RAPGEF4: variants seen among roughly 807,000 people sequenced by gnomAD.
RAPGEF4 encodes RAP guanine-nucleotide-exchange factor (GEF) 4.
RAPGEF4 carries 66 observed loss-of-function variants against 147.9 expected under a neutral mutation model. The observed-to-expected ratio is 0.45, with a 90% CI of 0.37 to 0.55. The LOEUF (loss-of-function observed/expected upper bound fraction) is 0.55. Among genes scored for constraint, RAPGEF4 ranks in the 20% least tolerant of loss-of-function variants. The pLI, the probability that RAPGEF4 is intolerant of heterozygous loss-of-function variation, is 0.00. For synonymous variants in RAPGEF4, 419 were observed against 442.7 expected (o/e 0.95, Z 0.67); for missense variants, 1,071 against 1,257.3 (o/e 0.85, Z 2.24).
At chr2:172,973,614 T>G (rs1319919058) in intron 10 of RAPGEF4, among the ~76,000 whole-genome samples, 1 of 152,156 alleles carries the variant, frequency 6.6e-6, no homozygotes, top group African/African-American at 2.4e-5. Flanking sequence ...TAGGCTGACG[T>G]CAGTGGGGGC....
chr2:172,976,517 T>C (rs537434171), intron 10 of RAPGEF4, among the ~76,000 whole-genome samples: 1 of 152,242 alleles, frequency 6.6e-6, no homozygotes. Context: ...GCATCAAAAA[T>C]AAAGCATCCC....
intron 6 of RAPGEF4, among the ~76,000 whole-genome samples, chr2:172,960,066 C>T (rs190314048): frequency 3.3e-5 from 5 of 152,122 alleles, no homozygotes; most frequent in Admixed American, 1.3e-4. Flanking sequence ...GCACTCCAGC[C>T]TGGGCAACAG....
intron 4 of RAPGEF4, chr2:172,860,238 A>T (rs945968917): frequency 3.1e-6 from 3 of 976,654 alleles, no homozygotes; most frequent in Non-Finnish European, 3.6e-6. Flanking sequence ...ACATGGATTT[A>T]AAAAAAACTA....
chr2:172,836,335 G>A (rs1574991051), intron 4 of RAPGEF4, among the ~76,000 whole-genome samples: 2 of 152,190 alleles, frequency 1.3e-5, no homozygotes, highest in East Asian at 3.8e-4. Flanking sequence ...ATGCCTCAAA[G>A]ACTCTGTGCT....
At position 173,008,573 on chromosome 2, in the gene RAPGEF4, G is replaced by A. The variant is rs75199756; in HGVS notation, c.1659-5891G>A. On this transcript the variant is annotated intron_variant, in intron 17 of 30. Coordinates refer to ENST00000397081, the MANE Select transcript of RAPGEF4 (RefSeq NM_007023.4). ...TTTTAAAAAACAACAACATTGAAGA[G>A]TATCAGTTTGAATGTTGTTAAGTGT... Among the ~76,000 whole-genome samples, 378 of 152,202 alleles carry A rather than the reference G, an allele frequency of 2.5e-3. 5 individuals carry two copies. Among genetic ancestry groups the A allele is most frequent in the Non-Finnish European group, 3.5e-3 (235 of 68,012 alleles).
chr2:172,914,016 T>G (rs1683751552), intron 4 of RAPGEF4, among the ~76,000 whole-genome samples: 1 of 152,204 alleles, frequency 6.6e-6, no homozygotes, highest in African/African-American at 2.4e-5. Context: ...CATGCTGTAG[T>G]TTGCTTTTTA....
intron 4 of RAPGEF4, among the ~76,000 whole-genome samples, chr2:172,846,616 T>C (rs1161229963): frequency 6.6e-6 from 1 of 152,174 alleles, no homozygotes; most frequent in African/African-American, 2.4e-5. Flanking sequence ...TCTTAGATCG[T>C]GCATTTACTC....
chr2:172,775,839 A>G (rs1005878865), intron 1 of RAPGEF4, among the ~76,000 whole-genome samples: 2 of 152,174 alleles, frequency 1.3e-5, no homozygotes, highest in African/African-American at 4.8e-5. Context: ...GCACTGTGAA[A>G]GGAAAGGGAT....
At chr2:172,788,700 C>G (rs2194721) in intron 1 of RAPGEF4, among the ~76,000 whole-genome samples, 121,292 of 151,804 alleles carry the variant, frequency 0.8, 49,386 homozygotes, top group East Asian at 0.95. Context: ...CCCTGGGCAA[C>G]AAGGCGAGAC....
At chr2:172,900,146 G>C (rs928998303) in intron 4 of RAPGEF4, among the ~76,000 whole-genome samples, 1 of 152,246 alleles carries the variant, frequency 6.6e-6, no homozygotes, top group Non-Finnish European at 1.5e-5. Flanking sequence ...TTGAGTTGAG[G>C]AAGACAGATG....
chr2:172,800,806 T>G (rs747210897), intron 3 of RAPGEF4, among the ~76,000 whole-genome samples: 7 of 152,134 alleles, frequency 4.6e-5, no homozygotes, highest in Admixed American at 1.3e-4. Flanking sequence ...ATTGTAAAGG[T>G]TAATCATATC....
intron 25 of RAPGEF4, among the ~76,000 whole-genome samples, chr2:173,028,904 T>G (rs1696917205): frequency 6.6e-6 from 1 of 152,246 alleles, no homozygotes; most frequent in Non-Finnish European, 1.5e-5. Flanking sequence ...TTTACATTCG[T>G]GGAGGCATAG....
intron 10 of RAPGEF4, among the ~76,000 whole-genome samples, chr2:172,970,636 A>C (rs1690371847): frequency 7.1e-6 from 1 of 141,784 alleles, no homozygotes; most frequent in African/African-American, 2.8e-5. Context: ...ACTTGCTAGC[A>C]AAAAAAAAAA....
At chr2:172,924,823 G>A (rs78224858) in intron 6 of RAPGEF4, among the ~76,000 whole-genome samples, 8,345 of 152,132 alleles carry the variant, frequency 0.055, 288 homozygotes, top group Middle Eastern at 0.086. Context: ...ACAATAATAT[G>A]CCTGTGGACT....
At chr2:172,806,604 G>A (rs1687520385) in intron 3 of RAPGEF4, among the ~76,000 whole-genome samples, 1 of 152,212 alleles carries the variant, frequency 6.6e-6, no homozygotes, top group Non-Finnish European at 1.5e-5. Context: ...TATCACAAGA[G>A]GGCAGTGCCA....
At chr2:172,868,662 T>G (rs1310876861) in intron 4 of RAPGEF4, among the ~76,000 whole-genome samples, 1 of 152,248 alleles carries the variant, frequency 6.6e-6, no homozygotes, top group African/African-American at 2.4e-5. Flanking sequence ...GAGGACAGAA[T>G]CATAGTTCTA....
rs61756295 is a variant in RAPGEF4, at chr2:173,020,661, G to C, written c.2199G>C (p.Thr733=). The change falls in exon 23 of 31, where the codon ACG becomes ACC. Residue 733 remains threonine (T), a synonymous_variant. Transcript: ENST00000397081. ...CTAATGATGTTTCAGTATTTACGAC[G>C]CTCACCATTAATGGACGCCTGTTTG... is the stretch of plus-strand genomic sequence containing the variant. ...LKPNDVSVFT[T]LTINGRLFAC... is the part of the protein sequence containing the mutation. The C allele has an allele frequency of 1.6e-5, 26 of 1,613,758 alleles. No homozygotes were observed. In the South Asian group the frequency reaches 2.5e-4, roughly 16 times the overall value.
chr2:172,743,517 G>A (rs1008094916), intron 1 of RAPGEF4, among the ~76,000 whole-genome samples: 2 of 152,178 alleles, frequency 1.3e-5, no homozygotes, highest in African/African-American at 4.8e-5. Context: ...TTCTAGACCA[G>A]ATGTATTTTT....
chr2:172,911,812 C>T (rs1023781715), intron 4 of RAPGEF4, among the ~76,000 whole-genome samples: 7 of 129,504 alleles, frequency 5.4e-5, no homozygotes, highest in Non-Finnish European at 1.1e-4. Flanking sequence ...TGCTCTGTCA[C>T]TCAGGCTAGA....
Sources: gnomAD v4.1 joint callset for allele counts (sites outside exome capture counted in the v4.1 genomes callset) on GRCh38, gnomAD v4.1.1 for gene constraint, MANE v1.5 for transcripts, NCBI Gene and HGNC (gene_info 2026-07-23, HGNC 2026-07-21) for gene names.